PPP1R12A: variants seen among roughly 807,000 people sequenced by gnomAD.
PPP1R12A encodes the protein protein phosphatase 1 regulatory subunit 12A.
In PPP1R12A, 19 loss-of-function variants were observed where a neutral mutation model predicts 139.6. That is an observed-to-expected ratio of 0.14 (90% confidence interval 0.09 to 0.20). PPP1R12A has a LOEUF of 0.20. PPP1R12A is among the 10% of genes least tolerant of loss of function. PPP1R12A has a pLI of 1.00. For synonymous variants in PPP1R12A, 427 were observed against 420.6 expected (o/e 1.02, Z -0.19); for missense variants, 925 against 1,211.5 (o/e 0.76, Z 3.51).
chr12:79,777,378 A>G (rs1054206364), intron 24 of PPP1R12A: 3 of 984,272 alleles, frequency 3.0e-6, no homozygotes, highest in Non-Finnish European at 3.6e-6. Flanking sequence ...CTAACATTCT[A>G]AGAAGCCATG....
intron 4 of PPP1R12A, among the ~76,000 whole-genome samples, chr12:79,830,999 G>A (rs575880865): frequency 6.6e-6 from 1 of 152,244 alleles, no homozygotes; most frequent in African/African-American, 2.4e-5. Context: ...AGGATTTTGG[G>A]AGCTTGGATA....
chr12:79,808,127 A>G (rs1175287270), intron 11 of PPP1R12A, among the ~76,000 whole-genome samples: 2 of 152,058 alleles, frequency 1.3e-5, no homozygotes, highest in Non-Finnish European at 2.9e-5. Context: ...TATTTAAACA[A>G]TATTTAAACA....
At position 79,806,208 on chromosome 12, in the gene PPP1R12A, G is replaced by T. The variant is rs1468258613; in HGVS notation, c.1781C>A (p.Thr594Lys). ...TGAGGAAGAACCCGTTGTAATCTTT[G>T]TAGTAGTGCTTGTGCTGGAAAGCAG... is the stretch of plus-strand genomic sequence containing the variant. ...KSLLSSTSTTTKITTGSSSAG... is the reference protein window; with the variant it reads ...KSLLSSTSTTKKITTGSSSAG... Residue 594 changes from threonine (T) to lysine (K), a missense_variant, in exon 13 of 25, where the codon ACA becomes AAA. Around this residue, in one of 4 missense-constraint regions of PPP1R12A, gnomAD observed 403 missense variants for 463.7 expected, o/e 0.87. Transcript: ENST00000450142. The T allele has an allele frequency of 1.2e-6, 2 of 1,613,854 alleles. No homozygotes were observed. The highest frequency in any genetic ancestry group is 4.5e-5 in the East Asian group (2 of 44,892).
intron 1 of PPP1R12A, among the ~76,000 whole-genome samples, chr12:79,903,106 C>T (rs1236146576): frequency 2.0e-5 from 3 of 152,164 alleles, no homozygotes; most frequent in Non-Finnish European, 4.4e-5. Context: ...GACACCTTTG[C>T]TTTCTGATGG....
At position 79,798,588 on chromosome 12, in the gene PPP1R12A, C is replaced by T. The variant is rs933074638; in HGVS notation, c.2001-4G>A. On this transcript the variant is annotated splice_polypyrimidine_tract_variant and splice_region_variant and intron_variant, in intron 14 of 24. Transcript: ENST00000450142. ...CCTAACAGGAGTGAGGTATGATCTA[C>T]AGTAGTAAATTGAAAAATCGTTAGT... is the stretch of plus-strand genomic sequence containing the variant. The T allele has an allele frequency of 3.9e-6, 6 of 1,521,508 alleles. No homozygotes were observed. Among genetic ancestry groups the T allele is most frequent in the Admixed American group, 3.9e-5 (2 of 51,278 alleles). 94.3% of individuals were successfully genotyped at this position (1,521,508 alleles called of 1,614,324 possible).
intron 1 of PPP1R12A, among the ~76,000 whole-genome samples, chr12:79,902,044 T>C (rs1047618470): frequency 2.0e-5 from 3 of 152,178 alleles, no homozygotes; most frequent in South Asian, 2.1e-4. Context: ...AGAATACAGA[T>C]TAACAAGAGA....
intron 5 of PPP1R12A, among the ~76,000 whole-genome samples, chr12:79,822,539 G>C (rs927746227): frequency 6.6e-6 from 1 of 152,080 alleles, no homozygotes; most frequent in Admixed American, 6.5e-5. Context: ...ATCACCCTAA[G>C]AAGTAGGAAC....
intron 2 of PPP1R12A, among the ~76,000 whole-genome samples, chr12:79,870,466 T>G (rs977246785): frequency 1.3e-5 from 2 of 152,172 alleles, no homozygotes; most frequent in African/African-American, 4.8e-5. Context: ...ATCATCACCT[T>G]AACAAATCAT....
intron 2 of PPP1R12A, among the ~76,000 whole-genome samples, chr12:79,862,828 AAATC>A (rs1275825138): frequency 6.6e-6 from 1 of 152,248 alleles, no homozygotes; most frequent in African/African-American, 2.4e-5. Flanking sequence ...TGAAAAAACG[AAATC>A]AATGTTTGAT....
chr12:79,923,770 C>T (rs897575686), intron 1 of PPP1R12A, among the ~76,000 whole-genome samples: 2 of 152,274 alleles, frequency 1.3e-5, no homozygotes, highest in Non-Finnish European at 2.9e-5. Flanking sequence ...AGGCCAGGCA[C>T]GGTGGCTCAC....
At chr12:79,926,066 A>T (rs1887818191) in intron 1 of PPP1R12A, among the ~76,000 whole-genome samples, 1 of 152,080 alleles carries the variant, frequency 6.6e-6, no homozygotes, top group Non-Finnish European at 1.5e-5. Context: ...CAGCCTAGAG[A>T]TTACTTTTCT....
At chr12:79,820,202 T>C (rs1301447783) in intron 8 of PPP1R12A, among the ~76,000 whole-genome samples, 1 of 152,184 alleles carries the variant, frequency 6.6e-6, no homozygotes, top group Non-Finnish European at 1.5e-5. Flanking sequence ...AAGACATCTA[T>C]AATGTTTTAA....
At chr12:79,809,270 A>C (rs1209705109) in intron 10 of PPP1R12A, among the ~76,000 whole-genome samples, 2 of 152,186 alleles carry the variant, frequency 1.3e-5, no homozygotes, top group Admixed American at 6.5e-5. Context: ...ATGCTGTAGA[A>C]ATAAATACTA....
At chr12:79,846,791 T>TAGAG (rs2137219532) in intron 2 of PPP1R12A, among the ~76,000 whole-genome samples, 1 of 152,066 alleles carries the variant, frequency 6.6e-6, no homozygotes, top group East Asian at 1.9e-4. Context: ...GGAGAAAAGA[T>TAGAG]AATGTACAGC....
Position 79,927,564 on chromosome 12 carries a change from C to A in PPP1R12A, c.237+7131G>T, listed in dbSNP as rs79129656. Among the ~76,000 whole-genome samples, 331 of 152,268 alleles carry A rather than the reference C, an allele frequency of 2.2e-3. 4 individuals carry two copies. The East Asian group carries it at 0.045, about 21-fold the overall frequency. ...AGAAACCTCCAATTACTAAACACCA[C>A]CATAATGATGAAAAGATTTAAGAAT... On this transcript the variant is annotated intron_variant, in intron 1 of 24. Transcript: ENST00000450142.
chr12:79,792,745 G>A (rs1422063126), intron 19 of PPP1R12A, among the ~76,000 whole-genome samples: 1 of 152,072 alleles, frequency 6.6e-6, no homozygotes, highest in Non-Finnish European at 1.5e-5. Flanking sequence ...GGCAATGAGA[G>A]GTGTCAGATG....
At chr12:79,823,064 A>G (rs1876322024) in intron 5 of PPP1R12A, among the ~76,000 whole-genome samples, 1 of 152,146 alleles carries the variant, frequency 6.6e-6, no homozygotes. Context: ...GTATGGCTTA[A>G]TTTTTAAAAT....
intron 19 of PPP1R12A, among the ~76,000 whole-genome samples, chr12:79,792,998 T>C (rs1872080038): frequency 1.3e-5 from 2 of 152,126 alleles, no homozygotes; most frequent in African/African-American, 4.8e-5. Context: ...CTAGCACAGG[T>C]AACCAACTTT....
Position 79,828,334 on chromosome 12 carries a change from T to C in PPP1R12A, c.778A>G (p.Met260Val). Residue 260 changes from methionine (M) to valine (V), a missense_variant, in exon 5 of 25, where the codon ATG becomes GTG. By Grantham distance (21) the Met-to-Val change is conservative (BLOSUM62 1). Transcript: ENST00000450142. ...AAAACGCCTACCACTTTGTTGACCATCTCCATATCACACAGATTGTCCACT... is the reference window on the plus strand; with the variant it reads ...AAAACGCCTACCACTTTGTTGACCACCTCCATATCACACAGATTGTCCACT... ...ILVDNLCDME[M>V]VNKVGQTAFD... is the part of the protein sequence containing the mutation. 6.2e-7 allele frequency: 1 copy of C among 1,609,904 alleles called. No homozygotes were observed.
Sources: allele counts gnomAD v4.1 joint callset (sites outside exome capture counted in the v4.1 genomes callset), GRCh38; gene constraint gnomAD v4.1.1; regional missense constraint gnomAD v4.1.1; transcripts MANE v1.5; gene names NCBI Gene and HGNC (gene_info 2026-07-23, HGNC 2026-07-21).